SLC14A2: variants seen among roughly 807,000 people sequenced by gnomAD.
The protein encoded by SLC14A2 is solute carrier family 14 member 2, also known as urea transporter 2.
SLC14A2 carries 91 observed loss-of-function variants against 104.6 expected under a neutral mutation model. The ratio of observed to expected loss-of-function variants is 0.87; its 90% CI spans 0.73 to 1.04. SLC14A2 has a LOEUF of 1.04. SLC14A2 is among the 50% of genes least tolerant of loss of function. SLC14A2 has a pLI of 0.00. For missense variants in SLC14A2, 1,189 were observed against 1,156.0 expected, an observed-to-expected ratio of 1.03 and a Z score of -0.41; for synonymous variants, 476 against 466.4, an observed-to-expected ratio of 1.02 and a Z score of -0.27.
intron 2 of SLC14A2, among the ~76,000 whole-genome samples, chr18:45,610,241 T>A (rs2044950354): frequency 1.3e-5 from 2 of 152,126 alleles, no homozygotes; most frequent in East Asian, 3.9e-4. Context: ...AGAGCCTGCA[T>A]TTCTAACAAG....
At chr18:45,461,236 CT>C (rs1396921542) in intron 1 of SLC14A2, among the ~76,000 whole-genome samples, 6 of 152,138 alleles carry the variant, frequency 3.9e-5, no homozygotes, top group African/African-American at 1.2e-4. Context: ...CTACTAGAAT[CT>C]TGTATTGCAT....
intron 1 of SLC14A2, among the ~76,000 whole-genome samples, chr18:45,404,949 C>T (rs367895648): frequency 6.6e-6 from 1 of 152,186 alleles, no homozygotes; most frequent in African/African-American, 2.4e-5. Context: ...GCCTTGTTCT[C>T]AGTGCCACCA....
At chr18:45,327,972 A>G in intron 1 of SLC14A2, among the ~76,000 whole-genome samples, 2 of 152,150 alleles carry the variant, frequency 1.3e-5, no homozygotes, top group East Asian at 3.8e-4. Flanking sequence ...GACAGATATC[A>G]TGTTTGTATG....
At chr18:45,533,537 T>C (rs1311521856) in intron 2 of SLC14A2, among the ~76,000 whole-genome samples, 3 of 152,230 alleles carry the variant, frequency 2.0e-5, no homozygotes. Flanking sequence ...GTGGGATCGG[T>C]GGTGATATCC....
intron 19 of SLC14A2, among the ~76,000 whole-genome samples, chr18:45,680,874 C>T (rs1298667557): frequency 5.9e-5 from 9 of 152,142 alleles, no homozygotes; most frequent in African/African-American, 2.2e-4. Flanking sequence ...TTTGTGCAGT[C>T]TTAGTGGGGC....
intron 16 of SLC14A2, among the ~76,000 whole-genome samples, chr18:45,672,698 TC>T (rs1161931320): frequency 6.6e-6 from 1 of 152,242 alleles, no homozygotes; most frequent in East Asian, 1.9e-4. Flanking sequence ...AACATCCTAA[TC>T]CATCAGTGTT....
chr18:45,212,705 A>G (rs1235298753), upstream of SLC14A2, among the ~76,000 whole-genome samples: 1 of 152,212 alleles, frequency 6.6e-6, no homozygotes, highest in Non-Finnish European at 1.5e-5. Context: ...ATAGGTAATC[A>G]TACTCCAAAG....
chr18:45,316,656 G>A (rs1215414999), intron 1 of SLC14A2, among the ~76,000 whole-genome samples: 1 of 152,164 alleles, frequency 6.6e-6, no homozygotes, highest in Non-Finnish European at 1.5e-5. Context: ...CTGAAGTGAG[G>A]TTTCGAGGAG....
chr18:45,416,660 G>A (rs867521521), intron 1 of SLC14A2, among the ~76,000 whole-genome samples: 20 of 152,078 alleles, frequency 1.3e-4, no homozygotes, highest in African/African-American at 4.8e-4. Flanking sequence ...AGAGAAGGAT[G>A]AGCATTTGGG....
chr18:45,498,021 T>C (rs927676488), intron 2 of SLC14A2, among the ~76,000 whole-genome samples: 4 of 152,276 alleles, frequency 2.6e-5, no homozygotes, highest in South Asian at 2.1e-4. Flanking sequence ...GGAGGTTATG[T>C]TTCTGGGAAA....
the SLC14A2 span, among the ~76,000 whole-genome samples, chr18:45,206,264 T>C: frequency 6.6e-6 from 1 of 152,180 alleles, no homozygotes; most frequent in Non-Finnish European, 1.5e-5. Context: ...GTTGGTGTAG[T>C]GGAAAGGCTG....
At chr18:45,385,235 G>A (rs943770291) in intron 1 of SLC14A2, among the ~76,000 whole-genome samples, 6 of 152,200 alleles carry the variant, frequency 3.9e-5, no homozygotes, top group Non-Finnish European at 8.8e-5. Flanking sequence ...TCCAGGTGGC[G>A]TGCAGCAAAT....
At chr18:45,593,622 T>C (rs971842231) in intron 2 of SLC14A2, among the ~76,000 whole-genome samples, 1 of 150,446 alleles carries the variant, frequency 6.6e-6, no homozygotes, top group African/African-American at 2.4e-5. Context: ...CCCAAGTTGC[T>C]GGGACTACAG....
rs544061350 is a variant in SLC14A2, at chr18:45,269,121, C to T, written c.-125+55930C>T. Reference sequence around the variant, plus strand: ...CTTTATAGGCCAAATCAAGATAAAACAATGAGAATGACCTGGACCTCTCAA... The same window carrying T: ...CTTTATAGGCCAAATCAAGATAAAATAATGAGAATGACCTGGACCTCTCAA... On this transcript the variant is annotated intron_variant, in intron 1 of 20. Transcript: ENST00000586448. Among the ~76,000 whole-genome samples, 6 of 152,056 alleles carry T rather than the reference C, an allele frequency of 3.9e-5. No individual in the cohort carries two copies. In the East Asian group the frequency reaches 7.8e-4, roughly 20 times the overall value.
At chr18:45,204,003 AT>A in the SLC14A2 span, among the ~76,000 whole-genome samples, 3 of 152,132 alleles carry the variant, frequency 2.0e-5, no homozygotes, top group African/African-American at 7.2e-5. Flanking sequence ...AATAATTCAC[AT>A]TTTTTTCTGT....
At chr18:45,623,359 G>A (rs957328810) in intron 1 of SLC14A2, among the ~76,000 whole-genome samples, 4 of 152,218 alleles carry the variant, frequency 2.6e-5, no homozygotes, top group African/African-American at 9.6e-5. Flanking sequence ...GGACATCGAA[G>A]CTGCTTAAAG....
chr18:45,425,810 A>G (rs1366866865), intron 1 of SLC14A2, among the ~76,000 whole-genome samples: 1 of 152,000 alleles, frequency 6.6e-6, no homozygotes, highest in Non-Finnish European at 1.5e-5. Context: ...AGCAATTCCC[A>G]TTTCTACATT....
At chr18:45,651,569 A>G (rs1224766834) in intron 10 of SLC14A2, among the ~76,000 whole-genome samples, 1 of 152,198 alleles carries the variant, frequency 6.6e-6, no homozygotes, top group African/African-American at 2.4e-5. Flanking sequence ...ATAATGTCCT[A>G]TAAGGTCCTA....
At chr18:45,397,106 A>T (rs2086042757) in intron 1 of SLC14A2, among the ~76,000 whole-genome samples, 1 of 152,184 alleles carries the variant, frequency 6.6e-6, no homozygotes, top group Non-Finnish European at 1.5e-5. Flanking sequence ...TGCTATTGTG[A>T]ATAGTGCAGC....
Sources: allele counts gnomAD v4.1 joint callset (sites outside exome capture counted in the v4.1 genomes callset), GRCh38; gene constraint gnomAD v4.1.1; transcripts MANE v1.5; gene names NCBI Gene and HGNC (gene_info 2026-07-23, HGNC 2026-07-21).